The following NKAIN2 variants were observed in gnomAD, a reference collection of about 807,000 sequenced individuals.
NKAIN2 encodes sodium/potassium transporting ATPase interacting 2.
A neutral mutation model predicts 32.6 loss-of-function variants in NKAIN2; 14 were observed. The observed-to-expected ratio is 0.43, with a 90% confidence interval of 0.28 to 0.67. The LOEUF is 0.67. NKAIN2 is among the 30% of genes least tolerant of loss of function. The probability of loss-of-function intolerance (pLI) is 0.17; values close to 1 mark genes in which losing one functional copy is unlikely to be tolerated. For synonymous variants in NKAIN2, 80 were observed against 87.2 expected, an observed-to-expected ratio of 0.92 and a Z score of 0.46; for missense variants, 198 against 258.3, an observed-to-expected ratio of 0.77 and a Z score of 1.60.
chr6:124,286,386 A>G (rs1319036166), intron 2 of NKAIN2, among the ~76,000 whole-genome samples: 2 of 152,100 alleles, frequency 1.3e-5, no homozygotes, highest in Non-Finnish European at 2.9e-5. Context: ...TAATCAAATA[A>G]TATGAACAAT....
At chr6:124,791,930 TCTAA>T (rs1302637822) in intron 5 of NKAIN2, among the ~76,000 whole-genome samples, 1 of 152,168 alleles carries the variant, frequency 6.6e-6, no homozygotes, top group East Asian at 1.9e-4. Flanking sequence ...TGGCTAGAAC[TCTAA>T]CTATGTCAAA....
intron 1 of NKAIN2, among the ~76,000 whole-genome samples, chr6:123,857,210 A>G (rs1387786037): frequency 6.6e-6 from 1 of 152,088 alleles, no homozygotes; most frequent in East Asian, 1.9e-4. Flanking sequence ...CCCTAAAATA[A>G]GAAACCCTGT....
At chr6:124,753,075 A>T (rs970974109) in intron 4 of NKAIN2, among the ~76,000 whole-genome samples, 1 of 152,228 alleles carries the variant, frequency 6.6e-6, no homozygotes, top group African/African-American at 2.4e-5. Context: ...GTCACACTTT[A>T]TCAGTGTGAA....
At chr6:124,726,172 G>C (rs959696594) in intron 4 of NKAIN2, among the ~76,000 whole-genome samples, 1 of 152,364 alleles carries the variant, frequency 6.6e-6, no homozygotes, top group Admixed American at 6.5e-5. Flanking sequence ...GGTAAACAAA[G>C]CAGCCAGAAA....
chr6:124,452,227 C>CT (rs1776139563), intron 3 of NKAIN2, among the ~76,000 whole-genome samples: 2 of 150,716 alleles, frequency 1.3e-5, no homozygotes, highest in Non-Finnish European at 3.0e-5. Context: ...GTAATCCTTC[C>CT]TTTTTTATAT....
intron 1 of NKAIN2, among the ~76,000 whole-genome samples, chr6:124,237,787 G>A (rs1282724294): frequency 2.0e-5 from 3 of 152,048 alleles, no homozygotes; most frequent in Non-Finnish European, 4.4e-5. Flanking sequence ...TATGAGGCAA[G>A]AAGAGGATTC....
chr6:124,131,265 C>T (rs73770349), intron 1 of NKAIN2, among the ~76,000 whole-genome samples: 3,135 of 152,204 alleles, frequency 0.021, 113 homozygotes, highest in African/African-American at 0.072. Flanking sequence ...CTGCCTCAGC[C>T]TCCTCAGTAG....
intron 1 of NKAIN2, among the ~76,000 whole-genome samples, chr6:124,267,330 A>G (rs754792044): frequency 9.2e-5 from 14 of 152,062 alleles, no homozygotes; most frequent in Non-Finnish European, 1.5e-4. Flanking sequence ...ATTTCTTCCA[A>G]TGTGTGGGCT....
chr6:124,631,898 C>T (rs540792572), intron 3 of NKAIN2, among the ~76,000 whole-genome samples: 4 of 152,168 alleles, frequency 2.6e-5, no homozygotes, highest in East Asian at 3.9e-4. Context: ...ATAAAAACTC[C>T]GAAAGAGTCT....
At chr6:124,416,090 A>T (rs1417202006) in intron 3 of NKAIN2, among the ~76,000 whole-genome samples, 2 of 151,996 alleles carry the variant, frequency 1.3e-5, no homozygotes, top group African/African-American at 2.4e-5. Flanking sequence ...CCCACTAAGG[A>T]TAACTAAGAC....
chr6:124,194,317 A>AT (rs1294050033), intron 1 of NKAIN2, among the ~76,000 whole-genome samples: 1 of 151,960 alleles, frequency 6.6e-6, no homozygotes, highest in East Asian at 1.9e-4. Flanking sequence ...TAGCCATACC[A>AT]TTTTTTTGTG....
At chr6:124,050,481 T>G (rs1398249075) in intron 1 of NKAIN2, among the ~76,000 whole-genome samples, 2 of 152,062 alleles carry the variant, frequency 1.3e-5, no homozygotes, top group African/African-American at 4.8e-5. Flanking sequence ...ATTCACTACA[T>G]TACTGAGAAA....
chr6:124,641,530 CTTTTTTTTTTTTTTTTTTTTTTTT>C (rs755033671), intron 3 of NKAIN2, among the ~76,000 whole-genome samples: 2 of 19,500 alleles, frequency 1.0e-4, no homozygotes, highest in African/African-American at 1.6e-4. Flanking sequence ...AAAACACTAG[CTTTTTTTTTTTTTTTTTTTTTTTT>C]TTTTTTTTTT....
chr6:124,777,967 AC>A (rs1409058643), intron 4 of NKAIN2, among the ~76,000 whole-genome samples: 1 of 151,682 alleles, frequency 6.6e-6, no homozygotes, highest in African/African-American at 2.4e-5. Flanking sequence ...ACACACACAC[AC>A]ACACACAAAC....
At chr6:123,921,890 C>A (rs1467113796) in intron 1 of NKAIN2, among the ~76,000 whole-genome samples, 1 of 151,584 alleles carries the variant, frequency 6.6e-6, no homozygotes, top group Non-Finnish European at 1.5e-5. Flanking sequence ...GAGATTGCAC[C>A]ACTGCACTCC....
chr6:124,585,271 A>C (rs756073994), intron 3 of NKAIN2, among the ~76,000 whole-genome samples: 12 of 152,182 alleles, frequency 7.9e-5, no homozygotes, highest in Admixed American at 5.2e-4. Flanking sequence ...AATTGCACTC[A>C]TGGGGATAGA....
intron 3 of NKAIN2, among the ~76,000 whole-genome samples, chr6:124,521,121 T>C (rs921137101): frequency 3.3e-5 from 5 of 152,120 alleles, no homozygotes; most frequent in African/African-American, 1.2e-4. Flanking sequence ...TGTATGCTTT[T>C]TTGTTGTTGT....
chr6:124,467,892 C>T (rs1338816440), intron 3 of NKAIN2, among the ~76,000 whole-genome samples: 1 of 151,944 alleles, frequency 6.6e-6, no homozygotes, highest in African/African-American at 2.4e-5. Context: ...AATTTTATGT[C>T]CTACTAGTTG....
chr6:124,549,962 C>T (rs1164162246), intron 3 of NKAIN2, among the ~76,000 whole-genome samples: 3 of 152,074 alleles, frequency 2.0e-5, no homozygotes, highest in South Asian at 2.1e-4. Context: ...AGTTACTAAC[C>T]GTTTTGGAGG....
Sources: allele counts gnomAD v4.1 joint callset (sites outside exome capture counted in the v4.1 genomes callset), GRCh38; gene constraint gnomAD v4.1.1; transcripts MANE v1.5; gene names NCBI Gene and HGNC (gene_info 2026-07-23, HGNC 2026-07-21).